Variants in DAB1 observed in about 807,000 individuals in gnomAD.
The protein encoded by DAB1 is disabled homolog 1.
Under a neutral mutation model 64.6 loss-of-function variants are expected in DAB1, and 15 were observed. The observed-to-expected ratio is 0.23, with a 90% confidence interval of 0.16 to 0.36. The LOEUF (loss-of-function observed/expected upper bound fraction) is 0.36. DAB1 is among the 10% of genes least tolerant of loss of function. The probability of loss-of-function intolerance (pLI) is 1.00; values close to 1 mark genes in which losing one functional copy is unlikely to be tolerated. For missense variants in DAB1, 596 were observed against 706.7 expected (o/e 0.84, Z 1.78); for synonymous variants, 235 against 251.9 (o/e 0.93, Z 0.64).
At chr1:58,346,294 G>T (rs1343180349) in intron 3 of DAB1, among the ~76,000 whole-genome samples, 1 of 152,162 alleles carries the variant, frequency 6.6e-6, no homozygotes, top group Non-Finnish European at 1.5e-5. Context: ...TATTTATTCA[G>T]CTTCTATGAG....
At chr1:58,300,544 AAAAG>A (rs71043285) in intron 4 of DAB1, among the ~76,000 whole-genome samples, 90 of 101,166 alleles carry the variant, frequency 8.9e-4, no homozygotes, top group Non-Finnish European at 1.0e-3. Flanking sequence ...TGAAACTCTG[AAAAG>A]AAAGAAAGAA....
At chr1:58,339,872 C>T (rs1412905908) in intron 4 of DAB1, among the ~76,000 whole-genome samples, 2 of 152,072 alleles carry the variant, frequency 1.3e-5, no homozygotes, top group Non-Finnish European at 2.9e-5. Context: ...AATTTAAATA[C>T]AAGATTTTAT....
chr1:58,213,672 G>T lies in DAB1; in HGVS notation n.310-63084C>A, dbSNP rs138368250. On this transcript the variant is annotated intron_variant and non_coding_transcript_variant, in intron 4 of 20. Transcript: ENST00000485760. ...AACTACAATTCAAGGTGAGATTTGG[G>T]TAGGGACATAGCCAAACCATATCAC... Among the ~76,000 whole-genome samples the T allele has an allele frequency of 3.4e-3, 513 of 152,222 alleles. 2 individuals carry two copies. Among genetic ancestry groups the T allele is most frequent in the African/African-American group, 0.012 (492 of 41,546 alleles).
intron 5 of DAB1, among the ~76,000 whole-genome samples, chr1:58,120,009 C>T (rs973249166): frequency 1.3e-5 from 2 of 152,138 alleles, no homozygotes; most frequent in African/African-American, 4.8e-5. Context: ...ATATGCCTTC[C>T]AAATAGTTCT....
chr1:57,254,000 C>T (rs1669572004), intron 2 of DAB1, among the ~76,000 whole-genome samples: 1 of 152,208 alleles, frequency 6.6e-6, no homozygotes, highest in Non-Finnish European at 1.5e-5. Context: ...CAGAATATTA[C>T]AAATACTGCT....
chr1:57,132,492 A>G (rs1417606403), intron 4 of DAB1, among the ~76,000 whole-genome samples: 1 of 152,128 alleles, frequency 6.6e-6, no homozygotes, highest in Non-Finnish European at 1.5e-5. Context: ...ATCCCAAATC[A>G]AAAAATCTGA....
intron 5 of DAB1, among the ~76,000 whole-genome samples, chr1:57,941,811 G>A (rs183012127): frequency 6.6e-6 from 1 of 152,080 alleles, no homozygotes; most frequent in African/African-American, 2.4e-5. Flanking sequence ...CTCCAGCCTG[G>A]GCGACAGAGT....
At chr1:57,739,296 C>T (rs1174144485) in intron 6 of DAB1, among the ~76,000 whole-genome samples, 2 of 152,042 alleles carry the variant, frequency 1.3e-5, no homozygotes, top group Admixed American at 6.5e-5. Flanking sequence ...CACACCTTTG[C>T]TCATCTGAAG....
At chr1:57,956,658 T>A (rs949320873) in intron 5 of DAB1, among the ~76,000 whole-genome samples, 29 of 152,134 alleles carry the variant, frequency 1.9e-4, no homozygotes, top group Admixed American at 1.2e-3. Context: ...CTTGTAACCA[T>A]AAGAATGAGG....
chr1:57,632,534 T>C (rs776216674), intron 7 of DAB1, among the ~76,000 whole-genome samples: 1 of 152,048 alleles, frequency 6.6e-6, no homozygotes, highest in Non-Finnish European at 1.5e-5. Flanking sequence ...TTGGATGCCA[T>C]CAATAAATTC....
intron 1 of DAB1, among the ~76,000 whole-genome samples, chr1:57,333,434 C>G (rs1433917776): frequency 6.6e-6 from 1 of 152,256 alleles, no homozygotes; most frequent in Admixed American, 6.5e-5. Flanking sequence ...CATGTGATAA[C>G]ATATATAAAG....
chr1:57,914,860 A>G (rs1439130063), intron 5 of DAB1, among the ~76,000 whole-genome samples: 1 of 152,202 alleles, frequency 6.6e-6, no homozygotes, highest in African/African-American at 2.4e-5. Flanking sequence ...AATTGCCAAA[A>G]AGCAGAGTCT....
Position 57,275,216 on chromosome 1 carries a change from T to A in DAB1, c.67+15748A>T, listed in dbSNP as rs533278713. ...GATGCCAAGGACAGAAAATTTCCAG[T>A]AGACCTGGCCTAAAAATTGTCATTT... On this transcript the variant is annotated intron_variant, in intron 2 of 14. Coordinates refer to ENST00000371236, the MANE Select transcript of DAB1 (RefSeq NM_001365792.1). 3.9e-5 allele frequency among the ~76,000 whole-genome samples: 6 copies of A among 152,276 alleles called. No individual in the cohort carries two copies. The South Asian group carries it at 1.0e-3, about 26-fold the overall frequency.
intron 4 of DAB1, among the ~76,000 whole-genome samples, chr1:58,314,699 T>G (rs1185231986): frequency 6.6e-6 from 1 of 152,200 alleles, no homozygotes; most frequent in Non-Finnish European, 1.5e-5. Context: ...CTACTGGCAC[T>G]AGGTTACCTT....
chr1:58,318,881 C>T (rs1662617380), intron 4 of DAB1, among the ~76,000 whole-genome samples: 1 of 152,180 alleles, frequency 6.6e-6, no homozygotes, highest in African/African-American at 2.4e-5. Flanking sequence ...ACCCCCTCTG[C>T]AGCTAACAGA....
chr1:57,209,355 C>G (rs1665830380), intron 2 of DAB1, among the ~76,000 whole-genome samples: 1 of 152,226 alleles, frequency 6.6e-6, no homozygotes, highest in Admixed American at 6.5e-5. Context: ...AAAATATGCT[C>G]TTCCGCTGCT....
At chr1:57,147,786 A>G (rs1334477191) in intron 2 of DAB1, among the ~76,000 whole-genome samples, 2 of 152,210 alleles carry the variant, frequency 1.3e-5, no homozygotes, top group Non-Finnish European at 2.9e-5. Context: ...CAACTTGTTA[A>G]GTCCAGAAAA....
intron 2 of DAB1, among the ~76,000 whole-genome samples, chr1:57,244,850 A>G (rs1668745041): frequency 6.6e-6 from 1 of 152,216 alleles, no homozygotes; most frequent in Admixed American, 6.5e-5. Flanking sequence ...TAGTCAATAA[A>G]CTAACGTAGC....
intron 5 of DAB1, among the ~76,000 whole-genome samples, chr1:58,099,896 A>T (rs1310692416): frequency 6.6e-6 from 1 of 152,168 alleles, no homozygotes; most frequent in Non-Finnish European, 1.5e-5. Context: ...CTGCTCTTGC[A>T]TGTGATGTCC....
Sources: gnomAD v4.1 joint callset for allele counts (sites outside exome capture counted in the v4.1 genomes callset) on GRCh38, gnomAD v4.1.1 for gene constraint, MANE v1.5 for transcripts, NCBI Gene and HGNC (gene_info 2026-07-23, HGNC 2026-07-21) for gene names.